Variants in SESN1 observed in about 807,000 individuals in gnomAD.
SESN1 encodes sestrin-1.
Under a neutral mutation model 59.3 loss-of-function variants are expected in SESN1, and 30 were observed. The ratio of observed to expected loss-of-function variants is 0.51; its 90% confidence interval spans 0.38 to 0.69. The LOEUF (loss-of-function observed/expected upper bound fraction) is 0.69. SESN1 is among the 30% of genes least tolerant of loss of function. The pLI, the probability that SESN1 is intolerant of heterozygous loss-of-function variation, is 0.00. For missense variants in SESN1, 566 were observed against 673.0 expected (o/e 0.84, Z 1.76); for synonymous variants, 197 against 219.9 (o/e 0.90, Z 0.92).
chr6:109,029,489 C>A (rs1780148754), intron 1 of SESN1, among the ~76,000 whole-genome samples: 1 of 152,102 alleles, frequency 6.6e-6, no homozygotes, highest in Non-Finnish European at 1.5e-5. Context: ...TTCCTACAAC[C>A]TCTCCCTCCT....
intron 1 of SESN1, among the ~76,000 whole-genome samples, chr6:109,007,762 C>T (rs1307002132): frequency 1.4e-5 from 2 of 143,150 alleles, no homozygotes; most frequent in East Asian, 4.1e-4. Flanking sequence ...ATAGGTAATT[C>T]AGAAATACTG....
Position 109,033,486 on chromosome 6 carries a change from C to T in SESN1, c.280-31143G>A, listed in dbSNP as rs1161774368. Among the ~76,000 whole-genome samples, 6 of 152,300 alleles carry T rather than the reference C, an allele frequency of 3.9e-5. No homozygotes were observed. The East Asian group carries it at 5.8e-4, about 15-fold the overall frequency. On this transcript the variant is annotated intron_variant, in intron 1 of 9. Coordinates refer to ENST00000436639, the MANE Select transcript of SESN1 (RefSeq NM_014454.3). Reference sequence around the variant, plus strand: ...GTTATTTTCATTTATAACCTGTTCACTTCTGGACAGGATGCCTCCAGCTGT... The same window carrying T: ...GTTATTTTCATTTATAACCTGTTCATTTCTGGACAGGATGCCTCCAGCTGT...
chr6:109,088,224 T>C (rs1682964554), intron 1 of SESN1: 1 of 151,800 alleles, frequency 6.6e-6, no homozygotes, highest in Non-Finnish European at 1.5e-5. Flanking sequence ...GCTGTAGGAA[T>C]GGAGACATCA....
intron 1 of SESN1, among the ~76,000 whole-genome samples, chr6:109,032,390 G>A (rs548531993): frequency 9.2e-5 from 14 of 152,168 alleles, no homozygotes; most frequent in East Asian, 1.9e-4. Flanking sequence ...AGGCCGAGGC[G>A]GGCAAATCAC....
At chr6:109,007,462 C>A (rs1012863736) in intron 1 of SESN1, among the ~76,000 whole-genome samples, 1 of 152,138 alleles carries the variant, frequency 6.6e-6, no homozygotes, top group Admixed American at 6.5e-5. Flanking sequence ...TTGTTTTCCT[C>A]GCTACACTAT....
intron 1 of SESN1, among the ~76,000 whole-genome samples, chr6:109,063,148 G>A (rs573106321): frequency 7.9e-5 from 12 of 152,258 alleles, no homozygotes; most frequent in African/African-American, 2.4e-4. Flanking sequence ...TGTAGAGGTC[G>A]GGCAGGCTTC....
chr6:109,020,823 A>G (rs1779999960), intron 1 of SESN1, among the ~76,000 whole-genome samples: 1 of 152,214 alleles, frequency 6.6e-6, no homozygotes, highest in South Asian at 2.1e-4. Flanking sequence ...CCAAATTTAT[A>G]TTCTAAAGCA....
Position 109,069,322 on chromosome 6 carries a change from CA to C in SESN1, c.279+24472del, listed in dbSNP as rs201768006. ...AGAGGGGTAAAATAAAACAAACAAA[CA>C]AAAAAAAACACCAAGTTCCATGCTA... On this transcript the variant is annotated intron_variant, in intron 1 of 9. Coordinates refer to ENST00000436639, the MANE Select transcript of SESN1 (RefSeq NM_014454.3). Among the ~76,000 whole-genome samples the C allele has an allele frequency of 1.9e-3, 279 of 148,608 alleles. 1 individual carries two copies. The highest frequency in any genetic ancestry group is 6.7e-3 in the African/African-American group (270 of 40,484).
In SESN1 at chr6:109,084,680, T is replaced by A. The variant is rs998663036; in HGVS notation, c.279+9115A>T. On this transcript the variant is annotated intron_variant, in intron 1 of 9. Transcript: ENST00000436639. ...TAATTCTAAGAAGACCTCTAACTTT[T>A]AAAATTAAAAATAAGGTAATATTTA... Among the ~76,000 whole-genome samples the A allele has an allele frequency of 5.9e-5, 9 of 152,176 alleles. No homozygotes were observed. In the East Asian group the frequency reaches 1.7e-3, roughly 29 times the overall value.
intron 7 of SESN1, among the ~76,000 whole-genome samples, chr6:108,991,915 A>G (rs1304672074): frequency 6.6e-6 from 1 of 151,788 alleles, no homozygotes; most frequent in Non-Finnish European, 1.5e-5. Context: ...CCTTCACTCT[A>G]TCCCTCAACC....
At chr6:109,091,363 C>A (rs910744579) in intron 1 of SESN1, among the ~76,000 whole-genome samples, 22 of 152,118 alleles carry the variant, frequency 1.4e-4, no homozygotes, top group African/African-American at 5.3e-4. Flanking sequence ...TATGATACCA[C>A]CTAACGATGC....
chr6:108,984,407 A>G lies in SESN1; in HGVS notation c.*3137T>C, dbSNP rs1779125861. 6.6e-6 allele frequency among the ~76,000 whole-genome samples: 1 copy of G among 152,178 alleles called. No homozygotes were observed. Among genetic ancestry groups the G allele is most frequent in the Non-Finnish European group, 1.5e-5 (1 of 68,034 alleles). ...CTAGTGAGTGTTTTCTTCCTCACAG[A>G]TGGCACACTCTAGCTGTGTCCTTTC... On this transcript the variant is annotated 3_prime_UTR_variant, in exon 10 of 10. Transcript: ENST00000436639.
rs543224599 is a variant in SESN1 at position 109,094,430 on chromosome 6, C to G, written c.-357G>C. 2 of 259,734 alleles carry G rather than the reference C, an allele frequency of 7.7e-6. No individual in the cohort carries two copies. Among genetic ancestry groups the G allele is most frequent in the South Asian group, 1.0e-4 (2 of 19,262 alleles). 16.1% of individuals were successfully genotyped at this position (259,734 alleles called of 1,614,324 possible). ...GTTGTGGAGCTGTCAAATCCGTGCT[C>G]TGCCCCAAAAGGCTGTTAACAGCTG... On this transcript the variant is annotated 5_prime_UTR_variant, in exon 1 of 10. Transcript: ENST00000436639.
At chr6:109,047,421 G>A (rs1307615246) in intron 1 of SESN1, among the ~76,000 whole-genome samples, 4 of 115,852 alleles carry the variant, frequency 3.5e-5, no homozygotes, top group Non-Finnish European at 5.9e-5. Context: ...CCCCTACTGG[G>A]AAGTGAGGAG....
chr6:108,987,680 A>G (rs1779235799), intron 9 of SESN1, 50 bp from the exon 10 acceptor site: 5 of 1,031,178 alleles, frequency 4.8e-6, no homozygotes, highest in Non-Finnish European at 7.6e-6. Context: ...AGCATTCACA[A>G]TCAGTTTTTC....
chr6:108,994,658 T>A, intron 5 of SESN1, 49 bp from the exon 6 acceptor site: 1 of 1,404,940 alleles, frequency 7.1e-7, no homozygotes, highest in Non-Finnish European at 9.7e-7. Flanking sequence ...ATAGAATATA[T>A]ATGAATTATC....
At chr6:109,084,843 ATTT>A (rs977596580) in intron 1 of SESN1, among the ~76,000 whole-genome samples, 1 of 152,098 alleles carries the variant, frequency 6.6e-6, no homozygotes, top group African/African-American at 2.4e-5. Context: ...TTTAACATGA[ATTT>A]TTTTGTTACA....
At chr6:108,988,289 G>A in intron 9 of SESN1, 1 of 320,620 alleles carries the variant, frequency 3.1e-6, no homozygotes, top group Non-Finnish European at 5.7e-6. Flanking sequence ...TTATAAAACA[G>A]TCTTCTATGT....
chr6:109,028,770 C>T lies in SESN1; in HGVS notation c.280-26427G>A, dbSNP rs148712286. Among the ~76,000 whole-genome samples, 325 of 152,220 alleles carry T rather than the reference C, an allele frequency of 2.1e-3. 1 individual carries two copies. The highest frequency in any genetic ancestry group is 3.7e-3 in the Non-Finnish European group (255 of 68,012). On this transcript the variant is annotated intron_variant, in intron 1 of 9. Transcript: ENST00000436639. ...TCTCAGAACTGGCACAGAACAAAGA[C>T]TGGGTCACGAAAGCAGTGCACTGGA...
Sources: gnomAD v4.1 joint callset for allele counts (sites outside exome capture counted in the v4.1 genomes callset) on GRCh38, gnomAD v4.1.1 for gene constraint, MANE v1.5 for transcripts, NCBI Gene and HGNC (gene_info 2026-07-23, HGNC 2026-07-21) for gene names.